BTD: variants seen among roughly 807,000 people sequenced by gnomAD.
BTD encodes the protein biotinidase, also known as biocytinase.
In BTD, 13 loss-of-function variants were observed where a neutral mutation model predicts 17.7. That is an observed-to-expected ratio of 0.74 (90% CI 0.48 to 1.17). The LOEUF is 1.17. Ranked by LOEUF, BTD falls within the 50% of genes most tolerant of loss-of-function variation. BTD has a pLI of 0.00. For missense variants in BTD, 674 were observed against 650.4 expected (o/e 1.04, Z -0.39); for synonymous variants, 240 against 245.2 (o/e 0.98, Z 0.20).
At chr3:15,664,995 C>G (rs1034157997) in intron 3 of BTD, among the ~76,000 whole-genome samples, 1 of 151,958 alleles carries the variant, frequency 6.6e-6, no homozygotes, top group Non-Finnish European at 1.5e-5. Flanking sequence ...GCACATGTTC[C>G]CTTGATCATA....
intron 4 of BTD, among the ~76,000 whole-genome samples, chr3:15,718,582 T>C (rs1287407841): frequency 6.6e-6 from 1 of 152,044 alleles, no homozygotes; most frequent in African/African-American, 2.4e-5. Context: ...CAGAATCAAG[T>C]GATTCATTAT....
rs397514335 is a variant in BTD at position 15,645,127 on chromosome 3, G to C, written c.1211G>C (p.Cys404Ser). Residue 404 changes from cysteine to serine, a missense_variant, in exon 4 of 4, where the codon TGT (cysteine) becomes TCT (serine). Transcript: ENST00000643237. Reference sequence around the variant, plus strand: ...CACGTCTGTTCCAATGGCCTCTGCTGTTATTTACTTTACGAGAGGCCCACC... The same window carrying C: ...CACGTCTGTTCCAATGGCCTCTGCTCTTATTTACTTTACGAGAGGCCCACC... ...YLHVCSNGLCCYLLYERPTLS... is the reference protein window; with the variant it reads ...YLHVCSNGLCSYLLYERPTLS... 2.5e-6 allele frequency: 4 copies of C among 1,614,192 alleles called. No homozygotes were observed. Among genetic ancestry groups the C allele is most frequent in the Non-Finnish European group, 2.5e-6 (3 of 1,180,036 alleles).
intron 4 of BTD, chr3:15,721,204 G>C: frequency 5.7e-6 from 7 of 1,222,030 alleles, no homozygotes; most frequent in Non-Finnish European, 7.0e-6. Context: ...TTAGCAACCT[G>C]TGGTTGCAAT....
intron 3 of BTD, chr3:15,689,835 G>A (rs759543680): frequency 3.0e-5 from 17 of 562,830 alleles, no homozygotes; most frequent in Admixed American, 1.2e-4. Context: ...TATGAATGAC[G>A]GAGGCTTTGT....
Position 15,649,168 on chromosome 3 carries a change from C to T in BTD, c.*3680C>T, listed in dbSNP as rs1047651414. On this transcript the variant is annotated 3_prime_UTR_variant, in exon 4 of 4. Transcript: ENST00000643237. ...AAATGGCCCATTCACACAGCTGGCA[C>T]GTTGGTGCTGGCTGCTAGCAAAAGG... is the stretch of plus-strand genomic sequence containing the variant. Among the ~76,000 whole-genome samples the T allele has an allele frequency of 6.6e-6, 1 of 152,216 alleles. No homozygotes were observed. Among genetic ancestry groups the T allele is most frequent in the African/African-American group, 2.4e-5 (1 of 41,454 alleles).
At chr3:15,634,582 TG>T (rs766896804) in intron 1 of BTD, among the ~76,000 whole-genome samples, 5 of 152,350 alleles carry the variant, frequency 3.3e-5, no homozygotes, top group Middle Eastern at 3.4e-3. Flanking sequence ...GTAGAAGCTA[TG>T]AAGCTGAGTT....
In BTD at chr3:15,635,597, C is replaced by T. The variant is rs2065326097; in HGVS notation, c.158C>T (p.Pro53Leu). ...YEHPSILSLN[P>L]LALISRQEAL... Reference sequence around the variant, plus strand: ...CATCCATCCATCCTGAGTCTGAACCCTCTGGCTCTCATCAGCCGCCAAGAG... The same window carrying T: ...CATCCATCCATCCTGAGTCTGAACCTTCTGGCTCTCATCAGCCGCCAAGAG... The change falls in exon 2 of 4, where the codon CCT becomes CTT. Residue 53 changes from proline (P) to leucine (L), a missense_variant. Physicochemically the swap from Pro to Leu is moderately conservative, Grantham distance 98 (BLOSUM62 -3). Coordinates refer to ENST00000643237, the MANE Select transcript of BTD (RefSeq NM_001370658.1). The surrounding 1 kb of genome is among the most constrained non-coding windows in gnomAD (Gnocchi z 4.1). 2 of 1,614,114 alleles carry T rather than the reference C, an allele frequency of 1.2e-6. No individual in the cohort carries two copies. The highest frequency in any genetic ancestry group is 8.5e-7 in the Non-Finnish European group (1 of 1,180,054).
chr3:15,613,833 C>T (rs2064708502), intron 1 of BTD, among the ~76,000 whole-genome samples: 1 of 152,098 alleles, frequency 6.6e-6, no homozygotes, highest in Non-Finnish European at 1.5e-5. Context: ...TTTTTCTTAG[C>T]ACATTTAAGA....
chr3:15,644,064 G>A (rs539101811), intron 3 of BTD, among the ~76,000 whole-genome samples: 3 of 151,498 alleles, frequency 2.0e-5, no homozygotes, highest in Non-Finnish European at 2.9e-5. Flanking sequence ...GCAGTGGCGC[G>A]ATCTCGGCTC....
intron 3 of BTD, among the ~76,000 whole-genome samples, chr3:15,662,853 G>GTT (rs34083448): frequency 0.034 from 4,268 of 126,498 alleles, 122 homozygotes; most frequent in East Asian, 0.084. Context: ...CAGGCTGGAG[G>GTT]TTTTTTTTTT....
At chr3:15,714,529 T>TAAG, downstream of BTD, 1 of 807,362 alleles carries the variant, frequency 1.2e-6, no homozygotes. Flanking sequence ...TTACTACATT[T>TAAG]AAGAAAAAAA....
exon 4 of BTD, chr3:15,712,133 C>T (rs776916098): frequency 1.9e-5 from 30 of 1,564,268 alleles, no homozygotes; most frequent in African/African-American, 4.1e-5. Context: ...GCAAAGGTTA[C>T]ACTTACCTGA....
intron 4 of BTD, among the ~76,000 whole-genome samples, chr3:15,718,998 G>A (rs1393831104): frequency 6.6e-6 from 1 of 152,080 alleles, no homozygotes; most frequent in Non-Finnish European, 1.5e-5. Flanking sequence ...AAAATAAGCA[G>A]TTCAAACCTG....
At chr3:15,603,784 A>G (rs1298684886) in intron 1 of BTD, among the ~76,000 whole-genome samples, 1 of 152,260 alleles carries the variant, frequency 6.6e-6, no homozygotes, top group East Asian at 1.9e-4. Flanking sequence ...GGTCAAGACA[A>G]AGGGGCTAAA....
Position 15,645,100 on chromosome 3 carries a change from T to A in BTD, c.1184T>A (p.Leu395His). The change falls in exon 4 of 4, where the codon CTC becomes CAC. Residue 395 changes from leucine (L) to histidine (H), a missense_variant. Leu to His is a moderately conservative substitution (Grantham distance 99, BLOSUM62 -3). Coordinates refer to ENST00000643237, the MANE Select transcript of BTD (RefSeq NM_001370658.1). ...CCTGTCTGGGGAAAGGAAGGCTATC[T>A]CCACGTCTGTTCCAATGGCCTCTGC... ...LVPVWGKEGY[L>H]HVCSNGLCCY... The A allele has an allele frequency of 1.2e-6, 2 of 1,614,050 alleles. No homozygotes were observed. Among genetic ancestry groups the A allele is most frequent in the Non-Finnish European group, 1.7e-6 (2 of 1,179,956 alleles).
At chr3:15,611,223 T>C (rs533826578) in intron 1 of BTD, among the ~76,000 whole-genome samples, 1 of 152,294 alleles carries the variant, frequency 6.6e-6, no homozygotes, top group East Asian at 1.9e-4. Flanking sequence ...TGGGCAGGGC[T>C]TTTAGGAAAG....
In BTD at chr3:15,644,582, C is replaced by A. The variant is rs1363121890; in HGVS notation, c.666C>A (p.Ile222=). 6.2e-7 allele frequency: 1 copy of A among 1,614,194 alleles called. No homozygotes were observed. The highest frequency in any genetic ancestry group is 2.2e-5 in the East Asian group (1 of 44,882). Reference sequence around the variant, plus strand: ...CCCCCTTTGCTGGCAGGTTTGGCATCTTCACATGCTTTGATATATTGTTCT... The same window carrying A: ...CCCCCTTTGCTGGCAGGTTTGGCATATTCACATGCTTTGATATATTGTTCT... ...FDTPFAGRFG[I]FTCFDILFFD... The change falls in exon 4 of 4, where the codon ATC becomes ATA. Residue 222 remains isoleucine (I), a synonymous_variant. Transcript: ENST00000643237.
chr3:15,714,090 T>C (rs2072682153), downstream of BTD, among the ~76,000 whole-genome samples: 1 of 152,142 alleles, frequency 6.6e-6, no homozygotes, highest in Non-Finnish European at 1.5e-5. Context: ...GAATATGCCT[T>C]GGAAAACACT....
At chr3:15,689,176 T>C (rs912245353) in intron 3 of BTD, among the ~76,000 whole-genome samples, 6 of 152,210 alleles carry the variant, frequency 3.9e-5, no homozygotes, top group Non-Finnish European at 7.3e-5. Context: ...TGGAAACTTT[T>C]GAAGAGCCAA....
Sources: allele counts gnomAD v4.1 joint callset (sites outside exome capture counted in the v4.1 genomes callset), GRCh38; gene constraint gnomAD v4.1.1; non-coding constraint Gnocchi (gnomAD v3.1); transcripts MANE v1.5; gene names NCBI Gene and HGNC (gene_info 2026-07-23, HGNC 2026-07-21).